LBR: variants seen among roughly 807,000 people sequenced by gnomAD.
LBR encodes lamin B receptor.
A neutral mutation model predicts 74.3 loss-of-function variants in LBR; 28 were observed. The ratio of observed to expected loss-of-function variants is 0.38; its 90% confidence interval spans 0.28 to 0.52. The LOEUF is 0.52. Ranked by LOEUF, LBR falls within the 20% of genes least tolerant of loss-of-function variation. LBR has a pLI of 0.89. For missense variants in LBR, 717 were observed against 760.3 expected (o/e 0.94, Z 0.67); for synonymous variants, 228 against 269.3 (o/e 0.85, Z 1.50).
chr1:225,424,667 C>T (rs143145583), intron 1 of LBR, among the ~76,000 whole-genome samples: 15 of 152,182 alleles, frequency 9.9e-5, no homozygotes, highest in African/African-American at 3.6e-4. Flanking sequence ...CTGCCAACCA[C>T]CCACCTAAGC....
At position 225,422,151 on chromosome 1, in the gene LBR, C is replaced by A. The variant is rs770390134; in HGVS notation, c.292G>T (p.Ala98Ser). The A allele has an allele frequency of 6.4e-5, 103 of 1,614,010 alleles. No homozygotes were observed. Among genetic ancestry groups the A allele is most frequent in the Non-Finnish European group, 8.2e-5 (97 of 1,180,046 alleles). Residue 98 changes from alanine (A) to serine (S), a missense_variant, in exon 3 of 14, where the codon GCT becomes TCT. Transcript: ENST00000272163. ...ATGTCGGCCTGGTGGGAAGCAGAAG[C>A]AGATCGGCGGGCACTTTTAGGTGGT... The part of the protein sequence containing the change: ...GRPPKSARRS[A>S]SASHQADIKE...
At chr1:225,405,001 G>A (rs534244876) in intron 11 of LBR, among the ~76,000 whole-genome samples, 37 of 152,252 alleles carry the variant, frequency 2.4e-4, no homozygotes, top group African/African-American at 7.2e-4. Context: ...CCTAGGAAAC[G>A]CTCTGAAGGC....
chr1:225,417,095 C>T (rs1166364145), intron 6 of LBR, among the ~76,000 whole-genome samples: 1 of 152,058 alleles, frequency 6.6e-6, no homozygotes. Context: ...CTGAAATCAC[C>T]TTACCCTAAA....
chr1:225,403,556 C>A, intron 13 of LBR, 93 bp from the exon 14 acceptor site: 1 of 927,272 alleles, frequency 1.1e-6, no homozygotes, highest in South Asian at 1.4e-5. Flanking sequence ...AAAAATGGAA[C>A]CACAAGGTAC....
intron 1 of LBR, 120 bp from the exon 2 acceptor site, chr1:225,424,209 C>A: frequency 6.3e-6 from 5 of 799,968 alleles, no homozygotes; most frequent in Non-Finnish European, 1.1e-5. Context: ...GATTTTAGGG[C>A]CAGAAAGGCT....
At chr1:225,422,756 T>C (rs1023746019) in intron 2 of LBR, among the ~76,000 whole-genome samples, 2 of 152,152 alleles carry the variant, frequency 1.3e-5, no homozygotes, top group African/African-American at 4.8e-5. Context: ...ACTCCGAATC[T>C]CCTTATGTTG....
chr1:225,412,719 G>T, intron 7 of LBR, 74 bp from the exon 8 acceptor site: 1 of 1,279,376 alleles, frequency 7.8e-7, no homozygotes, highest in Non-Finnish European at 1.1e-6. Context: ...ACGCCACTAT[G>T]AAACAATGCA....
intron 2 of LBR, among the ~76,000 whole-genome samples, chr1:225,422,813 C>G (rs986600834): frequency 1.3e-5 from 2 of 152,186 alleles, no homozygotes; most frequent in African/African-American, 2.4e-5. Context: ...GTCCCTCACC[C>G]CAATTTTTGT....
At chr1:225,403,810 G>A (rs1374953085) in intron 13 of LBR, among the ~76,000 whole-genome samples, 1 of 152,016 alleles carries the variant, frequency 6.6e-6, no homozygotes, top group Non-Finnish European at 1.5e-5. Flanking sequence ...CAAACAGGCA[G>A]CAGGCACGGG....
At chr1:225,415,137 G>A (rs1368918966) in intron 7 of LBR, 141 bp downstream of exon 7, 1 of 632,100 alleles carries the variant, frequency 1.6e-6, no homozygotes, top group African/African-American at 1.8e-5. Context: ...GTTGGCTACA[G>A]GTATAAACAG....
Position 225,403,211 on chromosome 1 carries a change from G to T in LBR, c.*92C>A. 2.4e-6 allele frequency: 3 copies of T among 1,249,836 alleles called. No individual in the cohort carries two copies. Among genetic ancestry groups the T allele is most frequent in the East Asian group, 2.3e-5 (1 of 43,066 alleles). The allele number at this position is 1,249,836 out of a possible 1,614,324, so 77.4% of individuals were successfully genotyped here. ...AAAAAAAAAAGTACAGACCCTGTCA[G>T]TGCAACAAAAGAAAGTTTCGGATTT... On this transcript the variant is annotated 3_prime_UTR_variant, in exon 14 of 14. Transcript: ENST00000272163.
intron 8 of LBR, among the ~76,000 whole-genome samples, chr1:225,412,035 C>T (rs1266435271): frequency 6.6e-6 from 1 of 152,220 alleles, no homozygotes; most frequent in African/African-American, 2.4e-5. Context: ...GTCTCAAACT[C>T]CTGACCTCAG....
At chr1:225,403,556 C>T (rs1392218653) in intron 13 of LBR, 93 bp from the exon 14 acceptor site, 3 of 927,156 alleles carry the variant, frequency 3.2e-6, no homozygotes, top group East Asian at 2.6e-5. Flanking sequence ...AAAAATGGAA[C>T]CACAAGGTAC....
At position 225,416,211 on chromosome 1, in the gene LBR, A is replaced by AGAG. The variant is rs537321098; in HGVS notation, c.838-880_838-879insCTC. 6.1e-3 allele frequency among the ~76,000 whole-genome samples: 896 copies of AGAG among 146,184 alleles called. 3 individuals are homozygous for AGAG. The highest frequency in any genetic ancestry group is 9.9e-3 in the Non-Finnish European group (648 of 65,666). On this transcript the variant is annotated intron_variant, in intron 6 of 13. Transcript: ENST00000272163. ...GACCCTGTCTCAAGAAAAAAAAAAA[A>AGAG]AAAGAGAGAGAGAGAGAGAGACTGT...
intron 3 of LBR, among the ~76,000 whole-genome samples, chr1:225,421,052 T>C (rs2096126619): frequency 6.6e-6 from 1 of 152,200 alleles, no homozygotes; most frequent in East Asian, 1.9e-4. Context: ...TTAAGTTACA[T>C]GTATACAATT....
chr1:225,422,361 G>A (rs1449750411), intron 2 of LBR, 84 bp from the exon 3 acceptor site: 10 of 1,067,372 alleles, frequency 9.4e-6, no homozygotes, highest in Admixed American at 3.9e-5. Context: ...GATAACAAAG[G>A]CAGGAACTGC....
At chr1:225,414,214 T>C (rs1199767433) in intron 7 of LBR, 10 of 447,684 alleles carry the variant, frequency 2.2e-5, no homozygotes, top group African/African-American at 1.4e-4. Flanking sequence ...AGACGTTTTA[T>C]CACATGACTG....
intron 3 of LBR, among the ~76,000 whole-genome samples, chr1:225,420,973 G>C (rs187000808): frequency 1.3e-5 from 2 of 152,136 alleles, no homozygotes; most frequent in African/African-American, 2.4e-5. Context: ...AAAAATACTT[G>C]TTTGTAATAG....
intron 3 of LBR, 53 bp downstream of exon 3, chr1:225,422,024 A>AAT: frequency 6.5e-7 from 1 of 1,528,054 alleles, no homozygotes; most frequent in Non-Finnish European, 9.0e-7. Context: ...AACTTGAGTA[A>AAT]ATATATACAT....
Sources: gnomAD v4.1 joint callset for allele counts (sites outside exome capture counted in the v4.1 genomes callset) on GRCh38, gnomAD v4.1.1 for gene constraint, MANE v1.5 for transcripts, NCBI Gene and HGNC (gene_info 2026-07-23, HGNC 2026-07-21) for gene names.